Variants in ACAD9 observed in about 807,000 individuals in gnomAD.
ACAD9 encodes acyl-CoA dehydrogenase family member 9.
Under a neutral mutation model 70.2 loss-of-function variants are expected in ACAD9, and 53 were observed. The ratio of observed to expected loss-of-function variants is 0.75; its 90% CI spans 0.61 to 0.95. The LOEUF is 0.95. Among genes scored for constraint, ACAD9 ranks in the 40% least tolerant of loss-of-function variants. The pLI, the probability that ACAD9 is intolerant of heterozygous loss-of-function variation, is 0.00. For missense variants in ACAD9, 777 were observed against 802.8 expected (o/e 0.97, Z 0.39); for synonymous variants, 313 against 312.1 (o/e 1.00, Z -0.03).
intron 3 of ACAD9, 62 bp from the exon 4 acceptor site, chr3:128,895,248 T>C: frequency 1.5e-6 from 2 of 1,310,342 alleles, no homozygotes; most frequent in South Asian, 1.3e-5. Flanking sequence ...AAAAAGCCAA[T>C]GAAGCCTTAA....
In ACAD9 at chr3:128,902,357, A is replaced by G. The variant is rs1251619043; in HGVS notation, c.883-196A>G. Among the ~76,000 whole-genome samples the G allele has an allele frequency of 2.6e-5, 4 of 152,192 alleles. No individual in the cohort carries two copies. Among genetic ancestry groups the G allele is most frequent in the African/African-American group, 9.6e-5 (4 of 41,458 alleles). On this transcript the variant is annotated intron_variant, in intron 8 of 17. Coordinates refer to ENST00000308982, the MANE Select transcript of ACAD9 (RefSeq NM_014049.5). This position sits in a 1 kb window ranked among gnomAD's most constrained non-coding sequence, Gnocchi z 4.0. ...CCCAGCTCTGGCATGGTCCTTTGGA[A>G]TAACGTTCAGTGGTCTTGTGTGTGG...
chr3:128,899,355 T>C lies in ACAD9; in HGVS notation c.702T>C (p.Ser234=), dbSNP rs2107653801. The change falls in exon 7 of 18, where the codon TCT becomes TCC. Residue 234 remains serine (S), a synonymous_variant. Transcript: ENST00000308982. Reference sequence around the variant, plus strand: ...TTGCAAAGACTGAGGTCGTTGATTCTGATGGATCAGTGAAAGACAAAATCA... The same window carrying C: ...TTGCAAAGACTGAGGTCGTTGATTCCGATGGATCAGTGAAAGACAAAATCA... ...TVFAKTEVVD[S]DGSVKDKITA... is the part of the protein sequence containing the mutation. The C allele has an allele frequency of 1.9e-6, 3 of 1,614,300 alleles. No individual in the cohort carries two copies. The highest frequency in any genetic ancestry group is 2.5e-6 in the Non-Finnish European group (3 of 1,180,052).
intron 2 of ACAD9, among the ~76,000 whole-genome samples, chr3:128,892,075 A>C (rs1935436638): frequency 6.6e-6 from 1 of 152,220 alleles, no homozygotes; most frequent in African/African-American, 2.4e-5. Flanking sequence ...TTTATATAAA[A>C]CTTGAAGATG....
rs548405278 is a variant in ACAD9 at position 128,910,124 on chromosome 3, T to C, written c.1667T>C (p.Ile556Thr). The C allele has an allele frequency of 2.6e-5, 42 of 1,614,050 alleles. 1 individual carries two copies. Among genetic ancestry groups the C allele is most frequent in the South Asian group, 2.0e-4 (18 of 91,058 alleles). Residue 556 changes from isoleucine to threonine, a missense_variant, in exon 16 of 18, where the codon ATT becomes ACT. By Grantham distance (89) the Ile-to-Thr change is moderately conservative. Transcript: ENST00000308982. ...TCGCGGGCCAGCCGCTCCATCCGCA[T>C]TGGGCTCCGCAACCACGACCACGAG... ...VLSRASRSIRIGLRNHDHEVL... is the reference protein window; with the variant it reads ...VLSRASRSIRTGLRNHDHEVL...
At chr3:128,909,242 G>A in intron 14 of ACAD9, 102 bp from the exon 15 acceptor site, 4 of 1,597,134 alleles carry the variant, frequency 2.5e-6, no homozygotes, top group Middle Eastern at 1.7e-4. Flanking sequence ...ACCCTGGATT[G>A]CTTCCCCCAG....
intron 5 of ACAD9, 122 bp downstream of exon 5, chr3:128,896,658 G>A: frequency 1.1e-6 from 1 of 943,584 alleles, no homozygotes; most frequent in Non-Finnish European, 1.7e-6. Context: ...ATCTTGCAAA[G>A]AATCAACTCA....
chr3:128,892,267 C>T (rs1328857956), intron 2 of ACAD9, among the ~76,000 whole-genome samples: 3 of 152,128 alleles, frequency 2.0e-5, no homozygotes, highest in Non-Finnish European at 4.4e-5. Context: ...GCAGGTTATT[C>T]TTCGCCAATT....
chr3:128,909,798 C>G, intron 15 of ACAD9: 1 of 656,302 alleles, frequency 1.5e-6, no homozygotes, highest in Non-Finnish European at 2.6e-6. Flanking sequence ...CTTCTGGGAC[C>G]TGGTCTTGCC....
In ACAD9 at chr3:128,879,795, C is replaced by G. The variant is rs1576325956; in HGVS notation, c.104C>G (p.Pro35Arg). The change falls in exon 1 of 18, where the codon CCT (proline) becomes CGT (arginine). Residue 35 changes from proline (P) to arginine (R), a missense_variant. Physicochemically the swap from Pro to Arg is moderately radical, Grantham distance 103. Transcript: ENST00000308982. The part of the protein sequence containing the change: ...ANRRLLRTSP[P>R]VRAFAKELFL... ...CGGCGGCTACTGCGCACCAGCCCGC[C>G]TGTACGAGCTTTCGCCAAAGAGCTT... is the stretch of plus-strand genomic sequence containing the variant. 6.2e-7 allele frequency: 1 copy of G among 1,613,948 alleles called. No homozygotes were observed. The highest frequency in any genetic ancestry group is 1.3e-5 in the African/African-American group (1 of 74,930).
At chr3:128,882,013 G>T (rs1404346509) in intron 1 of ACAD9, among the ~76,000 whole-genome samples, 1 of 152,094 alleles carries the variant, frequency 6.6e-6, no homozygotes, top group African/African-American at 2.4e-5. Context: ...CTGAACTCCA[G>T]ATTCCTTTTG....
intron 7 of ACAD9, among the ~76,000 whole-genome samples, chr3:128,900,948 T>G (rs539395694): frequency 3.7e-4 from 56 of 152,350 alleles, no homozygotes; most frequent in Non-Finnish European, 6.8e-4. Flanking sequence ...CTTAAACTTC[T>G]GCTAAATGTC....
chr3:128,902,590 T>C lies in ACAD9; in HGVS notation c.920T>C (p.Met307Thr). Residue 307 changes from methionine (M) to threonine (T), a missense_variant, in exon 9 of 18, where the codon ATG becomes ACG. Transcript: ENST00000308982. This position sits in a 1 kb window ranked among gnomAD's most constrained non-coding sequence, Gnocchi z 4.0. ...MNILNSGRFS[M>T]GSVVAGLLKR... is the part of the protein sequence containing the mutation. ...ATCCTCAACAGCGGCCGGTTCAGCA[T>C]GGGCAGCGTCGTGGCTGGGCTGCTC... 1.2e-6 allele frequency: 2 copies of C among 1,614,210 alleles called. No individual in the cohort carries two copies. The highest frequency in any genetic ancestry group is 1.7e-6 in the Non-Finnish European group (2 of 1,180,018).
chr3:128,901,693 T>C (rs1409630718), intron 8 of ACAD9, among the ~76,000 whole-genome samples: 2 of 152,244 alleles, frequency 1.3e-5, no homozygotes, highest in Non-Finnish European at 2.9e-5. Flanking sequence ...GCTGCCCTAC[T>C]CTTTTCTTTT....
At chr3:128,910,691 G>T (rs1182633248) in intron 16 of ACAD9, 50 bp from the exon 17 acceptor site, 1 of 1,605,284 alleles carries the variant, frequency 6.2e-7, no homozygotes, top group Non-Finnish European at 8.5e-7. Context: ...AAGCTCAGAG[G>T]TCTGATTCCA....
At chr3:128,903,576 A>G (rs1036658462) in intron 9 of ACAD9, among the ~76,000 whole-genome samples, 5 of 152,180 alleles carry the variant, frequency 3.3e-5, no homozygotes, top group South Asian at 2.1e-4. Flanking sequence ...CTTAGAGCTC[A>G]GCACTTTGTC....
chr3:128,893,088 A>G lies in ACAD9; in HGVS notation c.245-467A>G, dbSNP rs1232968967. Among the ~76,000 whole-genome samples, 7 of 151,922 alleles carry G rather than the reference A, an allele frequency of 4.6e-5. No homozygotes were observed. The East Asian group carries it at 5.8e-4, about 13-fold the overall frequency. ...TGGCCGGGCGTGGTGGCTCACACCT[A>G]TGATCCCAGTACTTTGCGAGGCTGT... On this transcript the variant is annotated intron_variant, in intron 2 of 17. Transcript: ENST00000308982.
At chr3:128,905,597 G>A (rs891549051) in intron 11 of ACAD9, among the ~76,000 whole-genome samples, 4 of 152,226 alleles carry the variant, frequency 2.6e-5, no homozygotes, top group South Asian at 2.1e-4. Flanking sequence ...ATCTTGGACC[G>A]TGTTTGAGTC....
intron 3 of ACAD9, 58 bp from the exon 4 acceptor site, chr3:128,895,252 G>A (rs1935536708): frequency 3.0e-6 from 4 of 1,343,800 alleles, no homozygotes; most frequent in East Asian, 4.9e-5. Flanking sequence ...AGCCAATGAA[G>A]CCTTAATGGG....
chr3:128,899,523 GGTGTGTGTGTGTGTGT>G (rs63473460), intron 7 of ACAD9, 62 bp downstream of exon 7: 413 of 1,068,686 alleles, frequency 3.9e-4, no homozygotes, highest in Admixed American at 2.7e-3. Flanking sequence ...GGCCTTTGAC[GGTGTGTGTGTGTGTGT>G]GTGTGTGTGT....
Sources: gnomAD v4.1 joint callset for allele counts (sites outside exome capture counted in the v4.1 genomes callset) on GRCh38, gnomAD v4.1.1 for gene constraint, Gnocchi (gnomAD v3.1) non-coding constraint, MANE v1.5 for transcripts, NCBI Gene and HGNC (gene_info 2026-07-23, HGNC 2026-07-21) for gene names.